NOC3L: variants seen among roughly 807,000 people sequenced by gnomAD.
NOC3L encodes NOC3 like DNA replication regulator, also known as nucleolar complex protein 3 homolog.
NOC3L carries 85 observed loss-of-function variants against 102.5 expected under a neutral mutation model. The ratio of observed to expected loss-of-function variants is 0.83; its 90% CI spans 0.70 to 0.99. NOC3L has a LOEUF of 0.99. Ranked by LOEUF, NOC3L falls within the 50% of genes least tolerant of loss-of-function variation. NOC3L has a pLI of 0.00. For missense variants in NOC3L, 878 were observed against 914.9 expected (o/e 0.96, Z 0.52); for synonymous variants, 303 against 309.4 (o/e 0.98, Z 0.22).
chr10:94,356,189 G>A (rs896892158), intron 5 of NOC3L, among the ~76,000 whole-genome samples: 15 of 152,104 alleles, frequency 9.9e-5, no homozygotes, highest in African/African-American at 2.9e-4. Context: ...TCATACTACA[G>A]AATCGCTTTT....
chr10:94,361,371 T>A, intron 2 of NOC3L: 1 of 365,070 alleles, frequency 2.7e-6, no homozygotes, highest in South Asian at 4.1e-5. Flanking sequence ...CACTGCCCAA[T>A]ATTTATGTAA....
the NOC3L span, among the ~76,000 whole-genome samples, chr10:94,325,962 T>C: frequency 6.6e-6 from 1 of 152,214 alleles, no homozygotes; most frequent in Non-Finnish European, 1.5e-5. Context: ...ACAGCCTCAA[T>C]CTTGGAAATG....
intron 6 of NOC3L, among the ~76,000 whole-genome samples, chr10:94,354,339 C>T (rs2054457376): frequency 6.6e-6 from 1 of 152,144 alleles, no homozygotes; most frequent in Non-Finnish European, 1.5e-5. Flanking sequence ...ATAATCCTCA[C>T]CACAAAGTTT....
At chr10:94,342,083 G>A (rs564111263) in intron 13 of NOC3L, among the ~76,000 whole-genome samples, 2 of 152,314 alleles carry the variant, frequency 1.3e-5, no homozygotes, top group South Asian at 4.1e-4. Flanking sequence ...AAGAAAACAG[G>A]TGGTGGGAAG....
chr10:94,336,274 G>A (rs981213937), intron 19 of NOC3L, among the ~76,000 whole-genome samples: 6 of 152,098 alleles, frequency 3.9e-5, no homozygotes, highest in East Asian at 1.9e-4. Context: ...GCAGAGAGGC[G>A]CCCTCATCAG....
intron 6 of NOC3L, among the ~76,000 whole-genome samples, chr10:94,354,596 C>T (rs2054460714): frequency 6.6e-6 from 1 of 152,188 alleles, no homozygotes; most frequent in South Asian, 2.1e-4. Context: ...TACACTTCCC[C>T]TGTAGCGCGC....
intron 14 of NOC3L, 66 bp downstream of exon 14, chr10:94,341,607 C>A (rs61886346): frequency 4.9e-6 from 4 of 817,592 alleles, no homozygotes; most frequent in South Asian, 2.3e-5. Flanking sequence ...TCTCAATAAA[C>A]CTGAAAAATT....
At chr10:94,316,482 C>A in the NOC3L span, 3 of 989,228 alleles carry the variant, frequency 3.0e-6, no homozygotes, top group Admixed American at 5.1e-5. Context: ...TATCTGAACA[C>A]CATGAAAGTT....
chr10:94,334,233 C>A lies in NOC3L; in HGVS notation c.2347G>T (p.Val783Phe). The stretch of plus-strand genomic sequence containing the variant: ...AAATCCAGAGGCGATTCAGTAGCAA[C>A]TTCACTGGAGTATCTTTTGATTAGC... ...NQLIKRYSSE[V>F]ATESPLDFTK... The change falls in exon 21 of 21, where the codon GTT (valine) becomes TTT (phenylalanine). Residue 783 changes from valine to phenylalanine, a missense_variant. Coordinates refer to ENST00000371361, the MANE Select transcript of NOC3L (RefSeq NM_022451.11). The A allele has an allele frequency of 4.3e-6, 7 of 1,611,000 alleles. No homozygotes were observed. Among genetic ancestry groups the A allele is most frequent in the Non-Finnish European group, 5.9e-6 (7 of 1,177,630 alleles).
Position 94,349,237 on chromosome 10 carries a change from A to C in NOC3L, c.1257+13T>G. 1 of 1,561,044 alleles carries C rather than the reference A, an allele frequency of 6.4e-7. No homozygotes were observed. Among genetic ancestry groups the C allele is most frequent in the Non-Finnish European group, 8.6e-7 (1 of 1,164,584 alleles). ...TTAAAAACAAAATGCAAAGTAAAAA[A>C]AAAAAGGCTCACCTCTGGCCTAACT... On this transcript the variant is annotated intron_variant, in intron 10 of 20. Coordinates refer to ENST00000371361, the MANE Select transcript of NOC3L (RefSeq NM_022451.11).
In NOC3L at chr10:94,350,218, G is replaced by A. The variant is rs147558722; in HGVS notation, c.1023C>T (p.Val341=). 401 of 1,614,154 alleles carry A rather than the reference G, an allele frequency of 2.5e-4. No individual in the cohort carries two copies. The African/African-American group carries it at 4.0e-3, about 16-fold the overall frequency. ...ACAGCTCACACAAGCTCTTCACAGC[G>A]ACTTCTGCCAGTCCTTTGTATGCCT... ...SLKAYKGLAE[V]AVKSLCELLV... Residue 341 remains valine (V), a synonymous_variant, in exon 9 of 21, where the codon GTC becomes GTT. Coordinates refer to ENST00000371361, the MANE Select transcript of NOC3L (RefSeq NM_022451.11).
At chr10:94,323,377 G>C in the NOC3L span, among the ~76,000 whole-genome samples, 1 of 152,204 alleles carries the variant, frequency 6.6e-6, no homozygotes, top group East Asian at 1.9e-4. Flanking sequence ...TCTGAGACCT[G>C]GAGTAAAAGC....
At chr10:94,353,998 G>C (rs2054453115) in intron 6 of NOC3L, among the ~76,000 whole-genome samples, 1 of 152,080 alleles carries the variant, frequency 6.6e-6, no homozygotes, top group Non-Finnish European at 1.5e-5. Flanking sequence ...TTAAAATCTG[G>C]AACAAATCAC....
chr10:94,355,212 A>G, intron 5 of NOC3L, 119 bp from the exon 6 acceptor site: 2 of 777,712 alleles, frequency 2.6e-6, no homozygotes, highest in South Asian at 4.4e-5. Flanking sequence ...TGTATTTACT[A>G]CTACACATCA....
chr10:94,325,153 C>T, the NOC3L span: 1 of 1,299,126 alleles, frequency 7.7e-7, no homozygotes, highest in South Asian at 1.2e-5. Flanking sequence ...ACTTAAACTA[C>T]TTTGTAAGGA....
chr10:94,352,788 C>A, intron 7 of NOC3L, 108 bp downstream of exon 7: 1 of 939,702 alleles, frequency 1.1e-6, no homozygotes. Context: ...CGCCACTGCA[C>A]TCTAGTCTGG....
downstream of NOC3L, chr10:94,330,264 G>C (rs11187874): frequency 1.3e-5 from 2 of 152,268 alleles, no homozygotes; most frequent in African/African-American, 4.8e-5. Flanking sequence ...TAGCAAGTGA[G>C]AGAATCCAGC....
At chr10:94,356,765 T>C (rs2054491687) in intron 4 of NOC3L, among the ~76,000 whole-genome samples, 174 bp from the exon 5 acceptor site, 1 of 152,160 alleles carries the variant, frequency 6.6e-6, no homozygotes, top group Non-Finnish European at 1.5e-5. Context: ...TAGCAGTAGT[T>C]TTTTTTCCTT....
At chr10:94,315,461 T>G in the NOC3L span, 1 of 455,984 alleles carries the variant, frequency 2.2e-6, no homozygotes, top group East Asian at 6.9e-5. Context: ...CCTTTTGTAG[T>G]AACCTGTACA....
Sources: gnomAD v4.1 joint callset for allele counts (sites outside exome capture counted in the v4.1 genomes callset) on GRCh38, gnomAD v4.1.1 for gene constraint, MANE v1.5 for transcripts, NCBI Gene and HGNC (gene_info 2026-07-23, HGNC 2026-07-21) for gene names.